AKAP19: variants seen among roughly 807,000 people sequenced by gnomAD.
The protein encoded by AKAP19 is small A-kinase anchoring protein.
the AKAP19 span, among the ~76,000 whole-genome samples, chr2:190,042,440 T>C: frequency 6.6e-6 from 1 of 151,896 alleles, no homozygotes; most frequent in Non-Finnish European, 1.5e-5. Context: ...TGTATTTTAT[T>C]AATTTTTTTT....
the AKAP19 span, among the ~76,000 whole-genome samples, chr2:190,101,499 G>A: frequency 2.6e-5 from 4 of 151,986 alleles, no homozygotes; most frequent in Non-Finnish European, 5.9e-5. Context: ...CCAGCAGCCT[G>A]AGCCTCCCAC....
At chr2:189,939,588 C>CTT in the AKAP19 span, among the ~76,000 whole-genome samples, 4 of 152,134 alleles carry the variant, frequency 2.6e-5, no homozygotes, top group Admixed American at 2.6e-4. Flanking sequence ...CAGTGACTGA[C>CTT]TTTAACAAGA....
the AKAP19 span, among the ~76,000 whole-genome samples, chr2:190,114,352 T>C: frequency 6.6e-6 from 1 of 152,266 alleles, no homozygotes; most frequent in Non-Finnish European, 1.5e-5. Flanking sequence ...GAGAATGGCC[T>C]ATAATAGTTA....
At chr2:190,074,573 C>T in the AKAP19 span, among the ~76,000 whole-genome samples, 1 of 151,896 alleles carries the variant, frequency 6.6e-6, no homozygotes, top group African/African-American at 2.4e-5. Flanking sequence ...TTCGCTTAAA[C>T]CCGGGAGTTG....
chr2:190,068,230 A>G, the AKAP19 span, among the ~76,000 whole-genome samples: 3 of 152,100 alleles, frequency 2.0e-5, no homozygotes, highest in Admixed American at 2.0e-4. Flanking sequence ...CCATCCCCCA[A>G]ATAGACTATG....
At chr2:190,185,704 C>G in the AKAP19 span, among the ~76,000 whole-genome samples, 1 of 152,112 alleles carries the variant, frequency 6.6e-6, no homozygotes, top group East Asian at 1.9e-4. Context: ...GTATTGATAC[C>G]TGGACTTAAG....
the AKAP19 span, among the ~76,000 whole-genome samples, chr2:190,182,309 T>A: frequency 3.9e-5 from 6 of 152,130 alleles, no homozygotes. Flanking sequence ...GAAACAAGAT[T>A]TTTCTGCAAA....
the AKAP19 span, among the ~76,000 whole-genome samples, chr2:190,174,173 C>A: frequency 6.6e-6 from 1 of 152,186 alleles, no homozygotes; most frequent in African/African-American, 2.4e-5. Context: ...AGGAATAAGA[C>A]CCCCTTCCCC....
the AKAP19 span, among the ~76,000 whole-genome samples, chr2:189,899,942 A>C: frequency 6.6e-6 from 1 of 152,144 alleles, no homozygotes; most frequent in Non-Finnish European, 1.5e-5. Flanking sequence ...TCCTTTAAAA[A>C]AATTTTGTTT....
the AKAP19 span, chr2:189,930,201 T>G: frequency 1.1e-5 from 2 of 178,570 alleles, no homozygotes; most frequent in African/African-American, 4.7e-5. Flanking sequence ...TCTTTGGGCT[T>G]AGTGACAACA....
the AKAP19 span, among the ~76,000 whole-genome samples, chr2:190,127,273 G>A: frequency 4.6e-5 from 7 of 151,534 alleles, no homozygotes; most frequent in African/African-American, 1.7e-4. Context: ...GGAAAAAGCA[G>A]AATGAATGCT....
chr2:189,942,797 A>C, the AKAP19 span, among the ~76,000 whole-genome samples: 1 of 152,220 alleles, frequency 6.6e-6, no homozygotes, highest in South Asian at 2.1e-4. Context: ...ATGCCGTAGG[A>C]ATCTGTGGAA....
chr2:189,967,382 G>C, the AKAP19 span, among the ~76,000 whole-genome samples: 12 of 151,970 alleles, frequency 7.9e-5, no homozygotes, highest in Admixed American at 5.9e-4. Flanking sequence ...GACACATCAG[G>C]GTGTAACTTC....
chr2:190,190,762 A>T, the AKAP19 span, among the ~76,000 whole-genome samples: 2 of 152,316 alleles, frequency 1.3e-5, no homozygotes, highest in South Asian at 2.1e-4. Context: ...TTGTGGTTTT[A>T]AAAAATACCT....
the AKAP19 span, among the ~76,000 whole-genome samples, chr2:189,981,033 G>T: frequency 6.6e-6 from 1 of 152,134 alleles, no homozygotes; most frequent in African/African-American, 2.4e-5. Flanking sequence ...ATGTTTGTTA[G>T]GTCCATTTGA....
At chr2:190,109,891 A>G in the AKAP19 span, among the ~76,000 whole-genome samples, 7 of 152,276 alleles carry the variant, frequency 4.6e-5, no homozygotes, top group African/African-American at 1.7e-4. Flanking sequence ...TAGGTGCCAC[A>G]ATTGAAGGTA....
chr2:189,987,031 TA>T, the AKAP19 span, among the ~76,000 whole-genome samples: 10 of 152,066 alleles, frequency 6.6e-5, no homozygotes, highest in African/African-American at 2.4e-4. Context: ...TACTGGCATA[TA>T]AAGGAACAGG....
chr2:189,967,854 T>TA, the AKAP19 span, among the ~76,000 whole-genome samples: 2,827 of 139,820 alleles, frequency 0.02, 85 homozygotes, highest in African/African-American at 0.068. Context: ...AATTTGAAAT[T>TA]AAAAAAAAAA....
chr2:190,024,318 G>A, the AKAP19 span, among the ~76,000 whole-genome samples: 2 of 148,858 alleles, frequency 1.3e-5, no homozygotes, highest in East Asian at 2.0e-4. Context: ...ATATATATAT[G>A]TGTGTGTGTG....
Sources: allele counts gnomAD v4.1 joint callset (sites outside exome capture counted in the v4.1 genomes callset), GRCh38; gene constraint gnomAD v4.1.1; transcripts MANE v1.5; gene names NCBI Gene and HGNC (gene_info 2026-07-23, HGNC 2026-07-21).